The following MFHAS1 variants were observed in gnomAD, a reference collection of about 807,000 sequenced individuals.
The protein encoded by MFHAS1 is multifunctional ROCO family signaling regulator 1.
In MFHAS1, 50 loss-of-function variants were observed where a neutral mutation model predicts 70.4. The ratio of observed to expected loss-of-function variants is 0.71; its 90% CI spans 0.57 to 0.90. MFHAS1 has a LOEUF of 0.90. Among genes scored for constraint, MFHAS1 ranks in the 40% least tolerant of loss-of-function variants. MFHAS1 has a pLI of 0.00. For synonymous variants in MFHAS1, 952 were observed against 620.0 expected (o/e 1.54, Z -7.96); for missense variants, 1,795 against 1,347.6 (o/e 1.33, Z -5.20).
intron 1 of MFHAS1, among the ~76,000 whole-genome samples, chr8:8,822,919 C>T (rs1020413528): frequency 6.6e-6 from 1 of 152,136 alleles, no homozygotes; most frequent in African/African-American, 2.4e-5. Context: ...TGACTGAAAA[C>T]CAGAAAATCA....
chr8:8,820,456 T>G (rs541426035), intron 1 of MFHAS1, among the ~76,000 whole-genome samples: 102 of 152,346 alleles, frequency 6.7e-4, no homozygotes, highest in African/African-American at 2.3e-3. Context: ...CAGGTTAGCG[T>G]GAGAATGGTA....
chr8:8,892,467 G>A lies in MFHAS1; in HGVS notation c.592C>T (p.Arg198Trp), dbSNP rs957768078. Reference sequence around the variant, plus strand: ...AGGGCCACCAGCTGCAGCAGCTGCCGGGGGAAGGCAGTGAGCTGGTTGTGA... The same window carrying A: ...AGGGCCACCAGCTGCAGCAGCTGCCAGGGGAAGGCAGTGAGCTGGTTGTGA... ...VDHNQLTAFPRQLLQLVALEE... is the reference protein window; with the variant it reads ...VDHNQLTAFPWQLLQLVALEE... The change falls in exon 1 of 3, where the codon CGG becomes TGG. Residue 198 changes from arginine (R) to tryptophan (W), a missense_variant. Arg to Trp is a moderately radical substitution (Grantham distance 101). Coordinates refer to ENST00000276282, the MANE Select transcript of MFHAS1 (RefSeq NM_004225.3). This position sits in a 1 kb window ranked among gnomAD's most constrained non-coding sequence, Gnocchi z 4.7. 4 of 1,608,372 alleles carry A rather than the reference G, an allele frequency of 2.5e-6. No individual in the cohort carries two copies. The highest frequency in any genetic ancestry group is 1.7e-5 in the Admixed American group (1 of 59,104).
At chr8:8,829,649 T>C (rs1215422643) in intron 1 of MFHAS1, among the ~76,000 whole-genome samples, 5 of 152,128 alleles carry the variant, frequency 3.3e-5, no homozygotes, top group East Asian at 1.9e-4. Context: ...CCACTGCACT[T>C]CAGCCTGGGC....
intron 1 of MFHAS1, among the ~76,000 whole-genome samples, chr8:8,830,050 G>A (rs1017583328): frequency 2.6e-5 from 4 of 152,248 alleles, no homozygotes; most frequent in East Asian, 1.9e-4. Flanking sequence ...AGGGGAGGTC[G>A]AAGCTGCTAG....
intron 2 of MFHAS1, among the ~76,000 whole-genome samples, chr8:8,791,621 C>A (rs570044234): frequency 1.3e-5 from 2 of 152,302 alleles, no homozygotes; most frequent in South Asian, 2.1e-4. Flanking sequence ...AATATTGGGT[C>A]TCAACCTGAA....
At chr8:8,794,014 C>T (rs1194514291) in intron 2 of MFHAS1, among the ~76,000 whole-genome samples, 2 of 152,070 alleles carry the variant, frequency 1.3e-5, no homozygotes, top group Non-Finnish European at 2.9e-5. Context: ...ATGATGAAAC[C>T]CCGTCTCTAC....
In MFHAS1 at chr8:8,893,081, C is replaced by A; in HGVS notation, c.-23G>T. 1 of 1,442,216 alleles carries A rather than the reference C, an allele frequency of 6.9e-7. No individual in the cohort carries two copies. Among genetic ancestry groups the A allele is most frequent in the South Asian group, 1.4e-5 (1 of 72,582 alleles). The allele number at this position is 1,442,216 out of a possible 1,614,324, so 89.3% of individuals were successfully genotyped here. A position where few individuals can be genotyped will look rare whatever the true frequency, so the allele number is the denominator to read the frequency against. On this transcript the variant is annotated 5_prime_UTR_variant, in exon 1 of 3. It adds an upstream start codon to the 5' untranslated region. Transcript: ENST00000276282. ...CATGGCGGGGCCCCGGGCCGACAGC[C>A]TCACGCGGACGCGGGAGCCCGCAGC...
Position 8,890,092 on chromosome 8 carries a change from C to CT in MFHAS1, c.2966dup (p.Arg990GlufsTer58). On this transcript the variant is annotated frameshift_variant, in exon 1 of 3. Transcript: ENST00000276282. LOFTEE classifies it high-confidence loss of function. ...AAGCATGTGGATTGGGCGATCCTCT[C>CT]TTAAGGCACTTAGAACAGAGAATGT... The CT allele has an allele frequency of 1.2e-6, 2 of 1,611,514 alleles. No individual in the cohort carries two copies. The highest frequency in any genetic ancestry group is 1.7e-6 in the Non-Finnish European group (2 of 1,178,342).
At chr8:8,820,829 C>T (rs1318599777) in intron 1 of MFHAS1, among the ~76,000 whole-genome samples, 1 of 152,206 alleles carries the variant, frequency 6.6e-6, no homozygotes, top group Non-Finnish European at 1.5e-5. Context: ...CAGGCCAAAG[C>T]TGTGCTGCCA....
intron 1 of MFHAS1, among the ~76,000 whole-genome samples, chr8:8,865,296 AAAAAG>A (rs1488218273): frequency 2.0e-5 from 3 of 151,646 alleles, no homozygotes; most frequent in Non-Finnish European, 4.4e-5. Flanking sequence ...AAAAAAAAAA[AAAAAG>A]AAATGTTTCA....
chr8:8,813,002 A>T (rs1806607481), intron 1 of MFHAS1, among the ~76,000 whole-genome samples: 1 of 152,176 alleles, frequency 6.6e-6, no homozygotes, highest in Admixed American at 6.5e-5. Flanking sequence ...TGTGACCTCA[A>T]GTGATCTGTC....
chr8:8,836,492 C>T (rs1055361843), intron 1 of MFHAS1, among the ~76,000 whole-genome samples: 1 of 152,160 alleles, frequency 6.6e-6, no homozygotes, highest in South Asian at 2.1e-4. Context: ...GAACCTCCCA[C>T]CTCAGCCTCC....
intron 1 of MFHAS1, among the ~76,000 whole-genome samples, chr8:8,865,615 G>T (rs2116897483): frequency 6.6e-6 from 1 of 152,274 alleles, no homozygotes; most frequent in African/African-American, 2.4e-5. Flanking sequence ...TTTAGAAAAT[G>T]GCTGTTAAGT....
chr8:8,852,291 T>C lies in MFHAS1; in HGVS notation c.2998+37770A>G, dbSNP rs561808114. On this transcript the variant is annotated intron_variant, in intron 1 of 2. Coordinates refer to ENST00000276282, the MANE Select transcript of MFHAS1 (RefSeq NM_004225.3). ...GAATTCGAGACCAGCCTGTGCAACA[T>C]GGTGAAACCTCATCTCTACTAAAAA... is the stretch of plus-strand genomic sequence containing the variant. Among the ~76,000 whole-genome samples the C allele has an allele frequency of 7.9e-5, 12 of 152,196 alleles. No homozygotes were observed. The South Asian group carries it at 2.1e-3, about 26-fold the overall frequency.
intron 1 of MFHAS1, among the ~76,000 whole-genome samples, chr8:8,880,081 C>A (rs1255198790): frequency 6.6e-6 from 1 of 152,236 alleles, no homozygotes; most frequent in East Asian, 1.9e-4. Context: ...CACCCTAGAA[C>A]AGACCAGGAG....
At chr8:8,817,593 G>T (rs932032112) in intron 1 of MFHAS1, among the ~76,000 whole-genome samples, 4 of 152,166 alleles carry the variant, frequency 2.6e-5, no homozygotes, top group East Asian at 1.9e-4. Flanking sequence ...GCCCGCAGAT[G>T]GGGGGGCTCT....
At chr8:8,809,709 G>T (rs1806477483) in intron 1 of MFHAS1, among the ~76,000 whole-genome samples, 1 of 152,176 alleles carries the variant, frequency 6.6e-6, no homozygotes, top group African/African-American at 2.4e-5. Flanking sequence ...AAAGACAGTT[G>T]GGGAGAGGGG....
chr8:8,794,675 T>C (rs973224963), intron 2 of MFHAS1, among the ~76,000 whole-genome samples: 5 of 151,748 alleles, frequency 3.3e-5, no homozygotes, highest in Admixed American at 1.3e-4. Context: ...TTAGAGAACA[T>C]TCCTTCATTT....
At position 8,865,630 on chromosome 8, in the gene MFHAS1, T is replaced by C. The variant is rs146056626; in HGVS notation, c.2998+24431A>G. 3.2e-3 allele frequency among the ~76,000 whole-genome samples: 492 copies of C among 152,342 alleles called. 1 individual carries two copies. Among genetic ancestry groups the C allele is most frequent in the African/African-American group, 0.011 (467 of 41,566 alleles). On this transcript the variant is annotated intron_variant, in intron 1 of 2. Coordinates refer to ENST00000276282, the MANE Select transcript of MFHAS1 (RefSeq NM_004225.3). ...TTTAGAAAATGGCTGTTAAGTACAA[T>C]TGTATATCACTCAACTGTCAAATCC...
Sources: allele counts gnomAD v4.1 joint callset (sites outside exome capture counted in the v4.1 genomes callset), GRCh38; gene constraint gnomAD v4.1.1; non-coding constraint Gnocchi (gnomAD v3.1); transcripts MANE v1.5; gene names NCBI Gene and HGNC (gene_info 2026-07-23, HGNC 2026-07-21).